Variants in ARMH3 observed in about 807,000 individuals in gnomAD.
ARMH3 encodes armadillo-like helical domain-containing protein 3.
In ARMH3, 60 loss-of-function variants were observed where a neutral mutation model predicts 99.1. The ratio of observed to expected loss-of-function variants is 0.61; its 90% CI spans 0.49 to 0.75. The LOEUF (loss-of-function observed/expected upper bound fraction) is 0.75. Among genes scored for constraint, ARMH3 ranks in the 30% least tolerant of loss-of-function variants. The pLI is 0.00. For missense variants in ARMH3, 679 were observed against 843.1 expected (o/e 0.81, Z 2.41); for synonymous variants, 285 against 292.8 (o/e 0.97, Z 0.27).
chr10:102,001,674 TAA>T (rs1438778502), intron 15 of ARMH3, among the ~76,000 whole-genome samples: 3 of 152,180 alleles, frequency 2.0e-5, no homozygotes, highest in Non-Finnish European at 4.4e-5. Context: ...TTCCCACACA[TAA>T]GAGTCTGCAT....
chr10:101,957,542 G>C, intron 21 of ARMH3, 108 bp downstream of exon 21: 1 of 1,235,854 alleles, frequency 8.1e-7, no homozygotes, highest in Admixed American at 2.8e-5. Context: ...ATATAGGTCT[G>C]GTTCCCTCTA....
chr10:101,985,315 C>CACAT (rs1554883240), intron 19 of ARMH3, among the ~76,000 whole-genome samples: 1 of 147,338 alleles, frequency 6.8e-6, no homozygotes, highest in East Asian at 2.0e-4. Context: ...CATGTATATA[C>CACAT]ATATATATAT....
intron 23 of ARMH3, among the ~76,000 whole-genome samples, chr10:101,902,800 C>A (rs2068012087): frequency 1.3e-5 from 2 of 152,012 alleles, no homozygotes; most frequent in South Asian, 4.1e-4. Flanking sequence ...GGGCCTGATT[C>A]TTTGACGGCA....
chr10:101,850,934 C>T (rs2066585778), intron 24 of ARMH3, among the ~76,000 whole-genome samples: 2 of 152,222 alleles, frequency 1.3e-5, no homozygotes, highest in South Asian at 2.1e-4. Flanking sequence ...CTGAGTAAGA[C>T]TTTGCCAATG....
chr10:101,865,215 C>CA (rs201839149), intron 24 of ARMH3, among the ~76,000 whole-genome samples: 31,125 of 107,960 alleles, frequency 0.29, 3,664 homozygotes, highest in East Asian at 0.56. Flanking sequence ...GACTATGTCT[C>CA]AAAAAAAAAA....
Position 101,985,196 on chromosome 10 carries a change from A to G in ARMH3, c.1406+5355T>C, listed in dbSNP as rs188905832. Among the ~76,000 whole-genome samples, 295 of 127,866 alleles carry G rather than the reference A, an allele frequency of 2.3e-3. 1 individual carries two copies. Among genetic ancestry groups the G allele is most frequent in the East Asian group, 0.017 (85 of 4,974 alleles). 83.9% of individuals were successfully genotyped at this position (127,866 alleles called of 152,430 possible). Reference sequence around the variant, plus strand: ...CACATATATGAATATATATGTGTGTATATATATACGTATATATGTATATAT... The same window carrying G: ...CACATATATGAATATATATGTGTGTGTATATATACGTATATATGTATATAT... On this transcript the variant is annotated intron_variant, in intron 19 of 25. Transcript: ENST00000370033.
At chr10:101,870,876 G>A (rs750439246) in intron 24 of ARMH3, among the ~76,000 whole-genome samples, 7 of 152,060 alleles carry the variant, frequency 4.6e-5, no homozygotes, top group Non-Finnish European at 1.0e-4. Context: ...CGAGGTTGAC[G>A]CTGCAGTGAG....
chr10:101,889,222 T>C (rs1301252159), intron 24 of ARMH3, among the ~76,000 whole-genome samples, 190 bp downstream of exon 24: 1 of 152,262 alleles, frequency 6.6e-6, no homozygotes, highest in East Asian at 1.9e-4. Flanking sequence ...ACCCTTCAGA[T>C]GGCACAAACG....
chr10:102,012,931 T>C (rs1027653994), intron 9 of ARMH3, 55 bp from the exon 10 acceptor site: 4 of 1,477,398 alleles, frequency 2.7e-6, no homozygotes, highest in East Asian at 2.3e-5. Context: ...TGGGAGTTGG[T>C]GATGATGCTA....
chr10:101,939,958 A>C lies in ARMH3; in HGVS notation c.1706-20T>G. On this transcript the variant is annotated intron_variant, in intron 22 of 25. Coordinates refer to ENST00000370033, the MANE Select transcript of ARMH3 (RefSeq NM_024541.3). ...TCAGGACTGCAAAGAAGGAAAGAAC[A>C]CAGATCTGTCAAACCCCCGGCATAA... is the stretch of plus-strand genomic sequence containing the variant. 6.2e-7 allele frequency: 1 copy of C among 1,610,322 alleles called. No individual in the cohort carries two copies. Among genetic ancestry groups the C allele is most frequent in the Non-Finnish European group, 8.5e-7 (1 of 1,177,630 alleles).
chr10:101,947,723 C>A (rs1003379158), intron 22 of ARMH3, among the ~76,000 whole-genome samples: 3 of 151,838 alleles, frequency 2.0e-5, no homozygotes, highest in African/African-American at 7.3e-5. Context: ...TCGCTTGAAC[C>A]GGGGAGGCAG....
intron 23 of ARMH3, among the ~76,000 whole-genome samples, chr10:101,933,047 G>A (rs1292206361): frequency 3.9e-5 from 6 of 152,130 alleles, no homozygotes; most frequent in South Asian, 2.1e-4. Flanking sequence ...TTAGCCTAGC[G>A]TGGTGGTGGG....
intron 24 of ARMH3, among the ~76,000 whole-genome samples, chr10:101,873,178 C>A (rs575631806): frequency 6.7e-6 from 1 of 148,910 alleles, no homozygotes; most frequent in Admixed American, 6.8e-5. Flanking sequence ...CCGAGGTGGG[C>A]GGATCATGAG....
At chr10:101,989,833 C>T (rs916345215) in intron 19 of ARMH3, among the ~76,000 whole-genome samples, 1 of 152,236 alleles carries the variant, frequency 6.6e-6, no homozygotes, top group African/African-American at 2.4e-5. Context: ...GATAATAGGG[C>T]TCCAGCTAGG....
intron 19 of ARMH3, among the ~76,000 whole-genome samples, chr10:101,979,872 A>C (rs887330040): frequency 6.6e-6 from 1 of 152,248 alleles, no homozygotes; most frequent in Non-Finnish European, 1.5e-5. Context: ...TCACAAATTC[A>C]ACATTCAATT....
intron 15 of ARMH3, among the ~76,000 whole-genome samples, chr10:101,998,045 T>C (rs1847142020): frequency 6.6e-6 from 1 of 152,204 alleles, no homozygotes. Flanking sequence ...TTAGGTTGCC[T>C]GTTGGCCAAG....
chr10:101,986,595 G>A (rs1846520066), intron 19 of ARMH3, among the ~76,000 whole-genome samples: 1 of 152,030 alleles, frequency 6.6e-6, no homozygotes, highest in South Asian at 2.1e-4. Context: ...TATTTCACTA[G>A]GAAGATTATA....
intron 8 of ARMH3, among the ~76,000 whole-genome samples, chr10:102,017,981 C>T (rs919862311): frequency 9.9e-5 from 15 of 152,156 alleles, no homozygotes; most frequent in African/African-American, 3.6e-4. Flanking sequence ...TCAAAAATCA[C>T]TAGGTGAAGA....
intron 1 of ARMH3, among the ~76,000 whole-genome samples, chr10:102,042,289 G>C (rs2067442397): frequency 6.6e-6 from 1 of 152,222 alleles, no homozygotes; most frequent in Non-Finnish European, 1.5e-5. Context: ...CAGTTGATTA[G>C]CAGGAAGAGT....
Sources: allele counts gnomAD v4.1 joint callset (sites outside exome capture counted in the v4.1 genomes callset), GRCh38; gene constraint gnomAD v4.1.1; transcripts MANE v1.5; gene names NCBI Gene and HGNC (gene_info 2026-07-23, HGNC 2026-07-21).